The following ZNF385D variants were observed in gnomAD, a reference collection of about 807,000 sequenced individuals.
ZNF385D encodes zinc finger protein 659.
In ZNF385D, 15 loss-of-function variants were observed where a neutral mutation model predicts 35.8. The observed-to-expected ratio is 0.42, with a 90% CI of 0.28 to 0.64. The LOEUF is 0.64. Among genes scored for constraint, ZNF385D ranks in the 30% least tolerant of loss-of-function variants. The pLI is 0.23. For missense variants in ZNF385D, 474 were observed against 494.6 expected, an observed-to-expected ratio of 0.96 and a Z score of 0.39; for synonymous variants, 212 against 186.8, an observed-to-expected ratio of 1.13 and a Z score of -1.10.
intron 2 of ZNF385D, among the ~76,000 whole-genome samples, chr3:21,652,629 C>G (rs547738439): frequency 6.7e-6 from 1 of 149,652 alleles, no homozygotes; most frequent in Non-Finnish European, 1.5e-5. Context: ...CCCCCCTCCC[C>G]CAACCCCACA....
chr3:22,174,862 A>C (rs1433075172), intron 2 of ZNF385D, among the ~76,000 whole-genome samples: 1 of 152,102 alleles, frequency 6.6e-6, no homozygotes, highest in Non-Finnish European at 1.5e-5. Flanking sequence ...AGAACACAAC[A>C]GGTGACAGAT....
intron 3 of ZNF385D, among the ~76,000 whole-genome samples, chr3:21,861,083 G>C (rs1187496803): frequency 6.6e-6 from 1 of 152,032 alleles, no homozygotes; most frequent in Non-Finnish European, 1.5e-5. Flanking sequence ...TCCACTCAAG[G>C]TCAAACAAAA....
intron 3 of ZNF385D, among the ~76,000 whole-genome samples, chr3:21,858,376 G>A (rs537179756): frequency 6.6e-6 from 1 of 151,724 alleles, no homozygotes; most frequent in Non-Finnish European, 1.5e-5. Context: ...ATGTGCTATG[G>A]TCTGAATGTT....
intron 3 of ZNF385D, among the ~76,000 whole-genome samples, chr3:22,143,465 C>T (rs1485580962): frequency 6.6e-6 from 1 of 152,138 alleles, no homozygotes; most frequent in Non-Finnish European, 1.5e-5. Flanking sequence ...ACTCCCACAC[C>T]TCTGTGCTCT....
In ZNF385D at chr3:21,413,831, T is replaced by C. The variant is rs112544930; in HGVS notation, c.*7383A>G. Reference sequence around the variant, plus strand: ...CTTCAATTTATAGTCACTAAATGCATGTGGATTAAAATATTTTTAGATCTC... The same window carrying C: ...CTTCAATTTATAGTCACTAAATGCACGTGGATTAAAATATTTTTAGATCTC... On this transcript the variant is annotated 3_prime_UTR_variant, in exon 8 of 8. Coordinates refer to ENST00000281523, the MANE Select transcript of ZNF385D (RefSeq NM_024697.3). 1.2e-4 allele frequency: 19 copies of C among 152,222 alleles called. No individual in the cohort carries two copies. The highest frequency in any genetic ancestry group is 8.5e-4 in the Admixed American group (13 of 15,276). 9.4% of individuals were successfully genotyped at this position (152,222 alleles called of 1,614,324 possible).
chr3:21,776,916 G>C (rs1369268906), intron 3 of ZNF385D, among the ~76,000 whole-genome samples: 1 of 151,934 alleles, frequency 6.6e-6, no homozygotes, highest in Non-Finnish European at 1.5e-5. Flanking sequence ...TTCCAGAAAA[G>C]TTCCCAGTTC....
chr3:21,542,984 G>C (rs1559387177), intron 3 of ZNF385D: 1 of 152,888 alleles, frequency 6.5e-6, no homozygotes, highest in Non-Finnish European at 1.5e-5. Flanking sequence ...CAACGTTGGG[G>C]CTCTTGAAGA....
chr3:22,264,042 A>C (rs974013171), intron 2 of ZNF385D, among the ~76,000 whole-genome samples: 1 of 152,000 alleles, frequency 6.6e-6, no homozygotes. Flanking sequence ...GTGAATATAA[A>C]TATATAAAAC....
At chr3:22,113,801 A>AG (rs1230355815) in intron 3 of ZNF385D, among the ~76,000 whole-genome samples, 2 of 152,100 alleles carry the variant, frequency 1.3e-5, no homozygotes, top group Admixed American at 1.3e-4. Flanking sequence ...TGCTAAAGGA[A>AG]GTTGAGACAA....
chr3:22,283,406 A>G (rs907719048), intron 2 of ZNF385D, among the ~76,000 whole-genome samples: 3 of 152,126 alleles, frequency 2.0e-5, no homozygotes, highest in Admixed American at 1.3e-4. Context: ...TTTTGATTCA[A>G]TTTTTCCTTC....
intron 1 of ZNF385D, among the ~76,000 whole-genome samples, chr3:21,747,659 A>T (rs2069842875): frequency 6.6e-6 from 1 of 152,340 alleles, no homozygotes; most frequent in Admixed American, 6.5e-5. Context: ...GCACAGTTAC[A>T]ACCTTCTGCC....
At chr3:22,098,577 A>C (rs1179327916) in intron 3 of ZNF385D, among the ~76,000 whole-genome samples, 1 of 152,068 alleles carries the variant, frequency 6.6e-6, no homozygotes, top group East Asian at 1.9e-4. Context: ...AGGATTTTAA[A>C]GTTTCTATTT....
chr3:21,551,912 T>TA (rs988637012), intron 3 of ZNF385D, among the ~76,000 whole-genome samples: 4 of 152,102 alleles, frequency 2.6e-5, no homozygotes, highest in Non-Finnish European at 2.9e-5. Context: ...TAGGAAGGGT[T>TA]AAAAAAATAT....
chr3:21,987,790 T>C (rs1694896553), intron 3 of ZNF385D, among the ~76,000 whole-genome samples: 1 of 131,624 alleles, frequency 7.6e-6, no homozygotes, highest in Non-Finnish European at 1.6e-5. Flanking sequence ...ATTCTCCCCA[T>C]CACTTTCAGG....
intron 3 of ZNF385D, among the ~76,000 whole-genome samples, chr3:21,558,173 T>A (rs1032483518): frequency 2.6e-5 from 4 of 151,680 alleles, no homozygotes; most frequent in Non-Finnish European, 5.9e-5. Context: ...TGCTCTGATC[T>A]TAGTTATTTC....
At chr3:22,177,985 T>C (rs1006458731) in intron 2 of ZNF385D, among the ~76,000 whole-genome samples, 3 of 152,232 alleles carry the variant, frequency 2.0e-5, no homozygotes, top group Admixed American at 6.5e-5. Context: ...AGTCTATCAT[T>C]GTTGGACATT....
intron 3 of ZNF385D, among the ~76,000 whole-genome samples, chr3:22,167,240 T>A (rs1160084991): frequency 6.6e-6 from 1 of 152,172 alleles, no homozygotes; most frequent in East Asian, 1.9e-4. Context: ...TACCAACCCT[T>A]TGCTAATTGG....
chr3:21,945,157 C>A, intron 3 of ZNF385D, among the ~76,000 whole-genome samples: 1 of 148,048 alleles, frequency 6.8e-6, no homozygotes, highest in African/African-American at 2.5e-5. Flanking sequence ...TATATATATA[C>A]ACACACATAT....
chr3:21,726,482 T>C (rs1308430578), intron 1 of ZNF385D, among the ~76,000 whole-genome samples: 1 of 152,156 alleles, frequency 6.6e-6, no homozygotes, highest in African/African-American at 2.4e-5. Context: ...CAGCAAAATC[T>C]CAGGATACAA....
Sources: allele counts gnomAD v4.1 joint callset (sites outside exome capture counted in the v4.1 genomes callset), GRCh38; gene constraint gnomAD v4.1.1; transcripts MANE v1.5; gene names NCBI Gene and HGNC (gene_info 2026-07-23, HGNC 2026-07-21).